Variants in ZC3H12C observed in about 807,000 individuals in gnomAD.
ZC3H12C encodes zinc finger CCCH-type containing 12C, also known as probable ribonuclease ZC3H12C.
A neutral mutation model predicts 76.3 loss-of-function variants in ZC3H12C; 20 were observed. The observed-to-expected ratio is 0.26, with a 90% CI of 0.18 to 0.38. The LOEUF is 0.38. ZC3H12C is among the 10% of genes least tolerant of loss of function. ZC3H12C has a pLI of 1.00. For missense variants in ZC3H12C, 874 were observed against 1,086.5 expected, an observed-to-expected ratio of 0.80 and a Z score of 2.75; for synonymous variants, 352 against 399.6, an observed-to-expected ratio of 0.88 and a Z score of 1.42.
chr11:110,144,818 A>G (rs1412267384), intron 2 of ZC3H12C, among the ~76,000 whole-genome samples: 1 of 152,174 alleles, frequency 6.6e-6, no homozygotes, highest in African/African-American at 2.4e-5. Context: ...GTCTCTTTTT[A>G]TAGATGCCTT....
At position 110,152,928 on chromosome 11, in the gene ZC3H12C, CAAA is replaced by C; in HGVS notation, c.784_786del (p.Lys262del). On this transcript the variant is annotated inframe_deletion, in exon 3 of 6. Transcript: ENST00000278590. ...CGTAATAATCTTTCAGCCATGGAAA[CAAA>C]GAAGTATTTTCCTGCAGAGGAATAA... The C allele has an allele frequency of 1.2e-6, 2 of 1,612,068 alleles. No individual in the cohort carries two copies. Among genetic ancestry groups the C allele is most frequent in the Non-Finnish European group, 1.7e-6 (2 of 1,179,072 alleles).
chr11:110,129,512 G>A (rs888606515), intron 1 of ZC3H12C, among the ~76,000 whole-genome samples: 2 of 152,130 alleles, frequency 1.3e-5, no homozygotes, highest in African/African-American at 4.8e-5. Flanking sequence ...GATCCTAATT[G>A]TGTGTAGCTT....
chr11:110,158,507 C>A (rs1460452134), intron 3 of ZC3H12C, among the ~76,000 whole-genome samples: 2 of 150,212 alleles, frequency 1.3e-5, no homozygotes, highest in Non-Finnish European at 3.0e-5. Flanking sequence ...AAGACTCAGT[C>A]ACAGAAAAAA....
In ZC3H12C at chr11:110,165,314, G is replaced by C; in HGVS notation, c.2229G>C (p.Leu743Phe). 1 of 1,613,942 alleles carries C rather than the reference G, an allele frequency of 6.2e-7. No individual in the cohort carries two copies. The highest frequency in any genetic ancestry group is 8.5e-7 in the Non-Finnish European group (1 of 1,179,866). Reference sequence around the variant, plus strand: ...AGGCACCACACCTAGGGAGGTCCTTGGTGGCCACGAGAATAGACAGCATCT... The same window carrying C: ...AGGCACCACACCTAGGGAGGTCCTTCGTGGCCACGAGAATAGACAGCATCT... Reference protein sequence around the residue: ...HSKAPHLGRSLVATRIDSISD... With the variant: ...HSKAPHLGRSFVATRIDSISD... The change falls in exon 6 of 6, where the codon TTG (leucine) becomes TTC (phenylalanine). Residue 743 changes from leucine (L) to phenylalanine (F), a missense_variant. Around this residue, in one of 3 missense-constraint regions of ZC3H12C, gnomAD observed 395 missense variants for 434.4 expected, o/e 0.91. Transcript: ENST00000278590.
At position 110,153,076 on chromosome 11, in the gene ZC3H12C, G is replaced by A. The variant is rs371728955; in HGVS notation, c.913+18G>A. 66 of 1,606,176 alleles carry A rather than the reference G, an allele frequency of 4.1e-5. No individual in the cohort carries two copies. The Middle Eastern group carries it at 1.2e-3, about 28-fold the overall frequency. Reference sequence around the variant, plus strand: ...CATTACAGGTAGGCTTATTCCAGGCGGCTGCTTGTACCTAGCTTTCCTATA... The same window carrying A: ...CATTACAGGTAGGCTTATTCCAGGCAGCTGCTTGTACCTAGCTTTCCTATA... On this transcript the variant is annotated intron_variant, in intron 3 of 5. Transcript: ENST00000278590.
At chr11:110,158,402 C>T (rs1174391427) in intron 3 of ZC3H12C, among the ~76,000 whole-genome samples, 1 of 151,870 alleles carries the variant, frequency 6.6e-6, no homozygotes, top group Non-Finnish European at 1.5e-5. Flanking sequence ...CCCAGCTACT[C>T]AGAAGGCTGA....
intron 1 of ZC3H12C, among the ~76,000 whole-genome samples, chr11:110,129,134 A>G (rs1350390531): frequency 1.3e-5 from 2 of 152,146 alleles, no homozygotes; most frequent in Non-Finnish European, 2.9e-5. Context: ...TTTAGAAATT[A>G]GTTTGTCATT....
At chr11:110,093,591 G>A (rs923058631) in intron 1 of ZC3H12C, among the ~76,000 whole-genome samples, 159 bp downstream of exon 1, 11 of 151,674 alleles carry the variant, frequency 7.3e-5, no homozygotes, top group African/African-American at 2.7e-4. Context: ...CAGGCGGGTC[G>A]GGCTCCGGAG....
In ZC3H12C at chr11:110,105,105, C is replaced by T. The variant is rs80354545; in HGVS notation, c.21+11673C>T. Among the ~76,000 whole-genome samples the T allele has an allele frequency of 5.8e-3, 878 of 152,138 alleles. 6 individuals are homozygous for T. The highest frequency in any genetic ancestry group is 0.019 in the African/African-American group (797 of 41,504). ...TGTGGGCTTAATTTTATCCTTATTCCGTGATTTAATCTGTTTCAAATCTTG... is the reference window on the plus strand; with the variant it reads ...TGTGGGCTTAATTTTATCCTTATTCTGTGATTTAATCTGTTTCAAATCTTG... On this transcript the variant is annotated intron_variant, in intron 1 of 5. Transcript: ENST00000278590.
intron 4 of ZC3H12C, among the ~76,000 whole-genome samples, chr11:110,161,436 G>A (rs1352120062): frequency 4.6e-5 from 7 of 152,106 alleles, no homozygotes; most frequent in Non-Finnish European, 7.4e-5. Flanking sequence ...ATGAATGAAC[G>A]AATGACATCA....
At chr11:110,154,834 TAA>T (rs5794671) in intron 3 of ZC3H12C, among the ~76,000 whole-genome samples, 5 of 69,836 alleles carry the variant, frequency 7.2e-5, no homozygotes, top group Non-Finnish European at 7.9e-5. Context: ...ACAGCTTGAT[TAA>T]AAAAAAAAAA....
chr11:110,164,465 CGAA>C lies in ZC3H12C; in HGVS notation c.1382_1384del (p.Glu461del). ...GAAATACGGCAGCCAAAACTGCAAA[CGAA>C]GGAGGACTGGTGAAAAGCAACAGTG... On this transcript the variant is annotated inframe_deletion, in exon 6 of 6. Coordinates refer to ENST00000278590, the MANE Select transcript of ZC3H12C (RefSeq NM_033390.2). The surrounding 1 kb of genome is among the most constrained non-coding windows in gnomAD (Gnocchi z 5.7). 1 of 1,613,950 alleles carries C rather than the reference CGAA, an allele frequency of 6.2e-7. No homozygotes were observed. Among genetic ancestry groups the C allele is most frequent in the Non-Finnish European group, 8.5e-7 (1 of 1,179,888 alleles).
chr11:110,110,733 C>G (rs61900161), intron 1 of ZC3H12C, among the ~76,000 whole-genome samples: 3,143 of 152,088 alleles, frequency 0.021, 48 homozygotes, highest in Non-Finnish European at 0.033. Context: ...ATTGAGAGAG[C>G]CTCTGACTGG....
chr11:110,120,666 G>A (rs1051033526), intron 1 of ZC3H12C, among the ~76,000 whole-genome samples: 1 of 152,086 alleles, frequency 6.6e-6, no homozygotes, highest in Non-Finnish European at 1.5e-5. Flanking sequence ...TTAATTTAGG[G>A]GTTAAAAATA....
intron 1 of ZC3H12C, chr11:110,131,456 C>T (rs1459140019): frequency 3.8e-6 from 1 of 260,210 alleles, no homozygotes; most frequent in Non-Finnish European, 7.4e-6. Context: ...TCTTAAGTTT[C>T]TTAAGATGTC....
chr11:110,114,144 G>C (rs749290168), intron 1 of ZC3H12C, among the ~76,000 whole-genome samples: 1 of 152,114 alleles, frequency 6.6e-6, no homozygotes, highest in Non-Finnish European at 1.5e-5. Context: ...ACAGTTTTCT[G>C]TATGTTGTAT....
At chr11:110,103,240 T>G (rs1861252059) in intron 1 of ZC3H12C, among the ~76,000 whole-genome samples, 1 of 152,252 alleles carries the variant, frequency 6.6e-6, no homozygotes, top group Admixed American at 6.5e-5. Flanking sequence ...CATTTGTCTT[T>G]GAAGAATATA....
rs149528347 is a variant in ZC3H12C, at chr11:110,133,539, T to A, written c.22-3124T>A. On this transcript the variant is annotated intron_variant, in intron 1 of 5. Transcript: ENST00000278590. Reference sequence around the variant, plus strand: ...GGATGTTAATTTCTTTTTAAGTAGGTTAGGCTTACATTTATCCTTAGCATT... The same window carrying A: ...GGATGTTAATTTCTTTTTAAGTAGGATAGGCTTACATTTATCCTTAGCATT... Among the ~76,000 whole-genome samples the A allele has an allele frequency of 9.5e-3, 1,448 of 152,278 alleles. 22 individuals are homozygous for A. Among genetic ancestry groups the A allele is most frequent in the African/African-American group, 0.032 (1,320 of 41,582 alleles).
At chr11:110,145,149 T>G (rs958268077) in intron 2 of ZC3H12C, among the ~76,000 whole-genome samples, 1 of 152,172 alleles carries the variant, frequency 6.6e-6, no homozygotes, top group South Asian at 2.1e-4. Context: ...GTGGCTAATA[T>G]AGTGCCATTA....
Sources: gnomAD v4.1 joint callset for allele counts (sites outside exome capture counted in the v4.1 genomes callset) on GRCh38, gnomAD v4.1.1 for gene constraint, gnomAD v4.1.1 regional missense constraint, Gnocchi (gnomAD v3.1) non-coding constraint, MANE v1.5 for transcripts, NCBI Gene and HGNC (gene_info 2026-07-23, HGNC 2026-07-21) for gene names.